The following NEDD4 variants were observed in gnomAD, a reference collection of about 807,000 sequenced individuals.
NEDD4 encodes E3 ubiquitin-protein ligase NEDD4.
NEDD4 carries 99 observed loss-of-function variants against 144.9 expected under a neutral mutation model. The observed-to-expected ratio is 0.68, with a 90% CI of 0.58 to 0.81. NEDD4 has a LOEUF of 0.81. Among genes scored for constraint, NEDD4 ranks in the 30% least tolerant of loss-of-function variants. The pLI, the probability that NEDD4 is intolerant of heterozygous loss-of-function variation, is 0.00. For missense variants in NEDD4, 985 were observed against 1,065.9 expected (o/e 0.92, Z 1.06); for synonymous variants, 318 against 350.6 (o/e 0.91, Z 1.04).
In NEDD4 at chr15:55,916,377, C is replaced by A; in HGVS notation, c.291+8269G>T. The A allele has an allele frequency of 2.5e-6, 4 of 1,614,076 alleles. No individual in the cohort carries two copies. The highest frequency in any genetic ancestry group is 2.5e-6 in the Non-Finnish European group (3 of 1,179,954). ...CCCATTATCACTGGTTGAAAAGTTA[C>A]TAAGGCTACCACTACAAATGGCTGG... On this transcript the variant is annotated intron_variant, in intron 5 of 28. Coordinates refer to ENST00000435532, the MANE Select transcript of NEDD4 (RefSeq NM_006154.4).
At chr15:55,916,180 T>C (rs765864949) in intron 5 of NEDD4, 1 of 1,614,022 alleles carries the variant, frequency 6.2e-7, no homozygotes, top group South Asian at 1.1e-5. Context: ...GTATTCCTGT[T>C]TGGCACACTT....
intron 1 of NEDD4, among the ~76,000 whole-genome samples, chr15:55,982,080 C>A (rs2037813083): frequency 6.6e-6 from 1 of 152,102 alleles, no homozygotes; most frequent in African/African-American, 2.4e-5. Context: ...CTAGAGAAGG[C>A]TGGGAGACAG....
intron 11 of NEDD4, among the ~76,000 whole-genome samples, chr15:55,856,489 T>C (rs1377921604): frequency 6.6e-6 from 1 of 152,230 alleles, no homozygotes; most frequent in Non-Finnish European, 1.5e-5. Context: ...GTTACTAGTT[T>C]TATTGTTGTT....
At chr15:55,851,757 A>C (rs1209877235) in intron 13 of NEDD4, among the ~76,000 whole-genome samples, 1 of 152,052 alleles carries the variant, frequency 6.6e-6, no homozygotes, top group African/African-American at 2.4e-5. Context: ...GATTATAGGC[A>C]TGAGCCACCT....
At chr15:55,872,910 C>A (rs1274162250) in intron 6 of NEDD4, among the ~76,000 whole-genome samples, 11 of 149,550 alleles carry the variant, frequency 7.4e-5, no homozygotes, top group African/African-American at 2.7e-4. Context: ...TGGTCCTGCA[C>A]CCTGTTTAAA....
intron 5 of NEDD4, among the ~76,000 whole-genome samples, chr15:55,881,511 C>T (rs1000952713): frequency 2.0e-5 from 3 of 152,014 alleles, no homozygotes; most frequent in African/African-American, 7.3e-5. Flanking sequence ...CTTTAAGAAG[C>T]TCTACATGAA....
intron 1 of NEDD4, among the ~76,000 whole-genome samples, chr15:55,989,977 T>C (rs2037963063): frequency 6.6e-6 from 1 of 152,046 alleles, no homozygotes; most frequent in African/African-American, 2.4e-5. Context: ...CATAAGAGCA[T>C]GAACCCTATT....
intron 4 of NEDD4, among the ~76,000 whole-genome samples, chr15:55,950,758 G>T (rs1174261368): frequency 6.6e-6 from 1 of 152,116 alleles, no homozygotes; most frequent in Non-Finnish European, 1.5e-5. Context: ...GGGAATATGG[G>T]GTCAAGGAAG....
chr15:55,890,539 A>T (rs756381085), intron 5 of NEDD4, among the ~76,000 whole-genome samples: 1 of 152,202 alleles, frequency 6.6e-6, no homozygotes, highest in Non-Finnish European at 1.5e-5. Context: ...TATTGTTGTT[A>T]CATTATATGG....
At chr15:55,978,849 G>C (rs1478447273) in intron 1 of NEDD4, among the ~76,000 whole-genome samples, 1 of 149,456 alleles carries the variant, frequency 6.7e-6, no homozygotes, top group Non-Finnish European at 1.5e-5. Context: ...TTAAAAGGTA[G>C]CTTCTTAAGG....
rs2032775294 is a variant in NEDD4, at chr15:55,828,078, G to T, written c.*1819C>A. 6.6e-6 allele frequency: 1 copy of T among 152,188 alleles called. No individual in the cohort carries two copies. The highest frequency in any genetic ancestry group is 1.5e-5 in the Non-Finnish European group (1 of 68,050). The allele number at this position is 152,188 out of a possible 1,614,324, so 9.4% of individuals were successfully genotyped here. ...ACCTGGTGCTCATCCTTGACTGCTG[G>T]TTGACAATGGTGAAGACAAAACGCA... On this transcript the variant is annotated 3_prime_UTR_variant, in exon 29 of 29. Transcript: ENST00000435532.
intron 4 of NEDD4, among the ~76,000 whole-genome samples, chr15:55,940,611 G>A (rs905889706): frequency 2.7e-5 from 4 of 149,824 alleles, no homozygotes; most frequent in East Asian, 2.0e-4. Flanking sequence ...CGGTATCCTC[G>A]AATTCCTTGG....
At chr15:55,985,142 GATTT>G (rs775017557) in intron 1 of NEDD4, among the ~76,000 whole-genome samples, 2 of 152,170 alleles carry the variant, frequency 1.3e-5, no homozygotes, top group Non-Finnish European at 2.9e-5. Flanking sequence ...CACCCTAAAT[GATTT>G]ATTTACAAGG....
At chr15:55,849,402 T>G (rs193075388) in intron 14 of NEDD4, among the ~76,000 whole-genome samples, 2 of 152,182 alleles carry the variant, frequency 1.3e-5, no homozygotes, top group Admixed American at 6.5e-5. Flanking sequence ...TTTTTGTATA[T>G]TTAATAGAGA....
chr15:55,884,394 A>G (rs959830542), intron 5 of NEDD4, among the ~76,000 whole-genome samples: 9 of 152,208 alleles, frequency 5.9e-5, no homozygotes, highest in Non-Finnish European at 1.2e-4. Flanking sequence ...GACATTGGCA[A>G]ACATCCACAA....
rs1455233934 is a variant in NEDD4, at chr15:55,981,770, CTG to C, written c.45+11739_45+11740del. Among the ~76,000 whole-genome samples the C allele has an allele frequency of 9.2e-5, 14 of 152,252 alleles. No homozygotes were observed. The East Asian group carries it at 2.7e-3, about 29-fold the overall frequency. On this transcript the variant is annotated intron_variant, in intron 1 of 28. Transcript: ENST00000435532. ...AGGCCTGCACCTACTGAATCACACACTGTGGGGTAGTCTGTATTTTAACAACT... is the reference window on the plus strand; with the variant it reads ...AGGCCTGCACCTACTGAATCACACACTGGGGTAGTCTGTATTTTAACAACT...
chr15:55,951,411 A>C lies in NEDD4; in HGVS notation c.202T>G (p.Leu68Val). 1 of 1,072,864 alleles carries C rather than the reference A, an allele frequency of 9.3e-7. No individual in the cohort carries two copies. The highest frequency in any genetic ancestry group is 1.3e-6 in the Non-Finnish European group (1 of 747,370). 66.5% of individuals were successfully genotyped at this position (1,072,864 alleles called of 1,614,324 possible). A position where few individuals can be genotyped will look rare whatever the true frequency, so the allele number is the denominator to read the frequency against. The change falls in exon 4 of 29, where the codon TTG (leucine) becomes GTG (valine). Residue 68 changes from leucine (L) to valine (V), a missense_variant. Transcript: ENST00000435532. ...ATTTCTTCATTCCACTTTGGATTCAAACTCTAAAAAATAATAAACATAGTA... is the reference window on the plus strand; with the variant it reads ...ATTTCTTCATTCCACTTTGGATTCACACTCTAAAAAATAATAAACATAGTA... ...SVQTKTIKKS[L>V]NPKWNEEILF... is the part of the protein sequence containing the mutation.
rs530813507 is a variant in NEDD4 at position 55,917,777 on chromosome 15, T to C, written c.291+6869A>G. On this transcript the variant is annotated intron_variant, in intron 5 of 28. Coordinates refer to ENST00000435532, the MANE Select transcript of NEDD4 (RefSeq NM_006154.4). Reference sequence around the variant, plus strand: ...AATGATGCCATTTATATTTTGACTATTAAAACTGCCAAGAAATAGCCTAAG... The same window carrying C: ...AATGATGCCATTTATATTTTGACTACTAAAACTGCCAAGAAATAGCCTAAG... 5.9e-5 allele frequency among the ~76,000 whole-genome samples: 9 copies of C among 152,198 alleles called. No individual in the cohort carries two copies. The East Asian group carries it at 1.5e-3, about 26-fold the overall frequency.
rs534160779 is a variant in NEDD4 at position 55,950,195 on chromosome 15, T to A, written c.237+1181A>T. On this transcript the variant is annotated intron_variant, in intron 4 of 28. Transcript: ENST00000435532. The stretch of plus-strand genomic sequence containing the variant: ...TCATTTGACGATCCAATTGATTCAA[T>A]ACCATTTCCTCAAGAATCCAAAATT... Among the ~76,000 whole-genome samples, 27 of 152,264 alleles carry A rather than the reference T, an allele frequency of 1.8e-4. No individual in the cohort carries two copies. In the East Asian group the frequency reaches 5.2e-3, roughly 29 times the overall value.
Sources: allele counts gnomAD v4.1 joint callset (sites outside exome capture counted in the v4.1 genomes callset), GRCh38; gene constraint gnomAD v4.1.1; transcripts MANE v1.5; gene names NCBI Gene and HGNC (gene_info 2026-07-23, HGNC 2026-07-21).